The following SORT1 variants were observed in gnomAD, a reference collection of about 807,000 sequenced individuals.
SORT1 encodes sortilin 1, also known as sortilin.
Under a neutral mutation model 101.7 loss-of-function variants are expected in SORT1, and 39 were observed. The ratio of observed to expected loss-of-function variants is 0.38; its 90% CI spans 0.30 to 0.50. The LOEUF (loss-of-function observed/expected upper bound fraction) is 0.50, where lower values mean the gene tolerates loss of function less well. SORT1 is among the 20% of genes least tolerant of loss of function. The probability of loss-of-function intolerance (pLI) is 0.90; values close to 1 mark genes in which losing one functional copy is unlikely to be tolerated. For synonymous variants in SORT1, 396 were observed against 393.7 expected (o/e 1.01, Z -0.07); for missense variants, 878 against 1,040.4 (o/e 0.84, Z 2.15).
chr1:109,326,264 G>A (rs1440817998), intron 13 of SORT1, among the ~76,000 whole-genome samples: 1 of 147,302 alleles, frequency 6.8e-6, no homozygotes, highest in Non-Finnish European at 1.5e-5. Flanking sequence ...CATTGCCCAG[G>A]CTGGTCTTGA....
chr1:109,353,097 G>A (rs779491920), intron 5 of SORT1, among the ~76,000 whole-genome samples: 7 of 151,932 alleles, frequency 4.6e-5, no homozygotes, highest in Non-Finnish European at 1.0e-4. Flanking sequence ...AGGCTGAGGC[G>A]GGCAGATCAC....
At chr1:109,332,632 C>A (rs945641508) in intron 11 of SORT1, among the ~76,000 whole-genome samples, 2 of 152,062 alleles carry the variant, frequency 1.3e-5, no homozygotes, top group Non-Finnish European at 2.9e-5. Flanking sequence ...TTATATGGAA[C>A]CACAAAAGAC....
chr1:109,385,011 G>C (rs867301948), intron 1 of SORT1, among the ~76,000 whole-genome samples: 2 of 152,148 alleles, frequency 1.3e-5, no homozygotes, highest in South Asian at 2.1e-4. Flanking sequence ...CTGGGAGGCG[G>C]AGGTTGCAGT....
chr1:109,327,663 T>C, intron 11 of SORT1, 62 bp from the exon 12 acceptor site: 3 of 1,141,702 alleles, frequency 2.6e-6, no homozygotes, highest in Non-Finnish European at 3.7e-6. Flanking sequence ...TCTTTAATCA[T>C]TTCACAAAAC....
chr1:109,324,823 G>T (rs1647879267), intron 14 of SORT1, 76 bp downstream of exon 14: 2 of 1,004,218 alleles, frequency 2.0e-6, no homozygotes, highest in East Asian at 2.5e-5. Flanking sequence ...CCAGCTAAAA[G>T]AAATTAAACC....
chr1:109,318,059 G>A (rs1294024589), intron 15 of SORT1, 90 bp from the exon 16 acceptor site: 5 of 775,650 alleles, frequency 6.4e-6, no homozygotes, highest in Non-Finnish European at 1.1e-5. Flanking sequence ...GTAGTGGATG[G>A]TTAACATTCC....
rs188231908 is a variant in SORT1, at chr1:109,396,757, T to C, written c.306+830A>G. On this transcript the variant is annotated intron_variant, in intron 1 of 19. Transcript: ENST00000256637. ...AATATATAGAATTGAAAATACATTA[T>C]GCAAATGTGGCTAGCAAGGATTAAA... Among the ~76,000 whole-genome samples, 347 of 152,356 alleles carry C rather than the reference T, an allele frequency of 2.3e-3. 1 individual carries two copies. The highest frequency in any genetic ancestry group is 8.2e-3 in the African/African-American group (340 of 41,580).
At chr1:109,314,178 T>C in intron 19 of SORT1, 83 bp downstream of exon 19, 6 of 1,528,914 alleles carry the variant, frequency 3.9e-6, no homozygotes, top group Non-Finnish European at 5.3e-6. Flanking sequence ...CTGGCATATC[T>C]TGATCATGAA....
intron 1 of SORT1, among the ~76,000 whole-genome samples, chr1:109,385,311 C>A (rs1652505360): frequency 1.3e-5 from 2 of 152,234 alleles, no homozygotes; most frequent in South Asian, 2.1e-4. Context: ...ATAATTTATT[C>A]TCTTCTTAGT....
At chr1:109,359,238 C>A (rs1375974957) in intron 3 of SORT1, among the ~76,000 whole-genome samples, 3 of 152,056 alleles carry the variant, frequency 2.0e-5, no homozygotes, top group Admixed American at 1.3e-4. Context: ...AGGGAGCTCT[C>A]GGGGTCTCTC....
chr1:109,352,520 G>T (rs1004518130), intron 5 of SORT1, among the ~76,000 whole-genome samples: 5 of 152,212 alleles, frequency 3.3e-5, no homozygotes, highest in African/African-American at 1.2e-4. Flanking sequence ...CCTCAGTGGA[G>T]ATGGGACAGA....
chr1:109,356,442 C>T (rs926322928), intron 3 of SORT1, among the ~76,000 whole-genome samples: 1 of 152,168 alleles, frequency 6.6e-6, no homozygotes, highest in Admixed American at 6.5e-5. Flanking sequence ...GCCTATGACA[C>T]TGAATTGAAT....
intron 3 of SORT1, among the ~76,000 whole-genome samples, chr1:109,357,047 G>A (rs372055988): frequency 6.6e-6 from 1 of 152,218 alleles, no homozygotes. Context: ...CTGTTTATAT[G>A]ATGGTGAGTC....
chr1:109,393,808 A>G lies in SORT1; in HGVS notation c.306+3779T>C, dbSNP rs138143871. Among the ~76,000 whole-genome samples the G allele has an allele frequency of 9.3e-3, 1,412 of 152,228 alleles. 6 individuals carry two copies. Among genetic ancestry groups the G allele is most frequent in the Admixed American group, 0.014 (216 of 15,286 alleles). On this transcript the variant is annotated intron_variant, in intron 1 of 19. Transcript: ENST00000256637. The stretch of plus-strand genomic sequence containing the variant: ...ACAACACAATGTGATATGTTGTAAT[A>G]CATACTATAACTCATTACAAATACA...
intron 3 of SORT1, among the ~76,000 whole-genome samples, chr1:109,362,086 G>A (rs547706413): frequency 9.0e-4 from 137 of 152,222 alleles, no homozygotes; most frequent in African/African-American, 3.1e-3. Context: ...GAGGAAATAC[G>A]AGTATATGAG....
intron 3 of SORT1, among the ~76,000 whole-genome samples, chr1:109,362,481 C>T (rs1294400780): frequency 6.6e-6 from 1 of 152,124 alleles, no homozygotes; most frequent in Non-Finnish European, 1.5e-5. Flanking sequence ...GATTTGAATT[C>T]ATAATAAACT....
chr1:109,365,958 CAG>C (rs1417205342), intron 3 of SORT1, among the ~76,000 whole-genome samples: 1 of 152,180 alleles, frequency 6.6e-6, no homozygotes, highest in Non-Finnish European at 1.5e-5. Context: ...GGGCCAAGAA[CAG>C]CAGTCAAATA....
intron 13 of SORT1, chr1:109,326,725 G>C (rs1039216748): frequency 2.4e-5 from 6 of 245,080 alleles, no homozygotes; most frequent in Non-Finnish European, 4.6e-5. Context: ...CAAAATGCTG[G>C]GATTACAGGC....
At chr1:109,361,582 TTTC>T (rs1483824491) in intron 3 of SORT1, among the ~76,000 whole-genome samples, 1 of 152,206 alleles carries the variant, frequency 6.6e-6, no homozygotes, top group Non-Finnish European at 1.5e-5. Flanking sequence ...TTCTACCCAT[TTTC>T]TTTTGTTCAT....
Sources: allele counts gnomAD v4.1 joint callset (sites outside exome capture counted in the v4.1 genomes callset), GRCh38; gene constraint gnomAD v4.1.1; transcripts MANE v1.5; gene names NCBI Gene and HGNC (gene_info 2026-07-23, HGNC 2026-07-21).